SMYD3: variants seen among roughly 807,000 people sequenced by gnomAD.
SMYD3 encodes the protein histone-lysine N-methyltransferase SMYD3.
Under a neutral mutation model 57.7 loss-of-function variants are expected in SMYD3, and 36 were observed. That is an observed-to-expected ratio of 0.62 (90% CI 0.48 to 0.82). The LOEUF is 0.82. SMYD3 is among the 40% of genes least tolerant of loss of function. SMYD3 has a pLI of 0.00. For missense variants in SMYD3, 515 were observed against 538.8 expected, an observed-to-expected ratio of 0.96 and a Z score of 0.44; for synonymous variants, 211 against 195.0, an observed-to-expected ratio of 1.08 and a Z score of -0.68.
chr1:246,476,657 T>G (rs1299052388), intron 1 of SMYD3, among the ~76,000 whole-genome samples: 3 of 152,220 alleles, frequency 2.0e-5, no homozygotes, highest in Non-Finnish European at 4.4e-5. Context: ...GCTTTCAACC[T>G]ATATGAAGAC....
At chr1:246,303,496 C>T (rs1399494881) in intron 5 of SMYD3, among the ~76,000 whole-genome samples, 1 of 152,048 alleles carries the variant, frequency 6.6e-6, no homozygotes, top group African/African-American at 2.4e-5. Context: ...ACTTATAATA[C>T]CTAATATAAT....
At chr1:246,179,492 T>C (rs1000761074) in intron 5 of SMYD3, among the ~76,000 whole-genome samples, 1 of 152,218 alleles carries the variant, frequency 6.6e-6, no homozygotes, top group African/African-American at 2.4e-5. Flanking sequence ...TCTGAAATAA[T>C]GTGCTGAATA....
At chr1:245,844,602 TTTC>T (rs889405466) in intron 10 of SMYD3, among the ~76,000 whole-genome samples, 2 of 4,546 alleles carry the variant, frequency 4.4e-4, no homozygotes, top group African/African-American at 1.1e-3. Context: ...ACTTCCTTGG[TTTC>T]TTTTTTTTTT....
chr1:245,852,388 A>G (rs1159166391), intron 10 of SMYD3, among the ~76,000 whole-genome samples: 2 of 152,254 alleles, frequency 1.3e-5, no homozygotes, highest in African/African-American at 4.8e-5. Flanking sequence ...CCAAACGTAC[A>G]GGTGGCATCT....
At chr1:246,221,485 C>T (rs1225344639) in intron 5 of SMYD3, among the ~76,000 whole-genome samples, 1 of 152,222 alleles carries the variant, frequency 6.6e-6, no homozygotes, top group Non-Finnish European at 1.5e-5. Context: ...AGCTGCAACC[C>T]TTCGGGTAGC....
intron 10 of SMYD3, among the ~76,000 whole-genome samples, chr1:245,838,932 T>C (rs2050243982): frequency 6.6e-6 from 1 of 152,204 alleles, no homozygotes; most frequent in Non-Finnish European, 1.5e-5. Context: ...AGGACATCTA[T>C]TCAGAATGTC....
Position 246,027,826 on chromosome 1 carries a change from T to A in SMYD3, c.532-97889A>T, listed in dbSNP as rs189808887. On this transcript the variant is annotated intron_variant, in intron 5 of 11. Transcript: ENST00000490107. ...TTAAGAAATACATTTTGTAAGGCTA[T>A]AGCTGCCATCAATATTGATTCTTCT... is the stretch of plus-strand genomic sequence containing the variant. 9.8e-5 allele frequency among the ~76,000 whole-genome samples: 15 copies of A among 152,348 alleles called. No homozygotes were observed. The East Asian group carries it at 2.5e-3, about 25-fold the overall frequency.
intron 5 of SMYD3, among the ~76,000 whole-genome samples, chr1:246,042,079 A>T (rs140876133): frequency 2.6e-5 from 4 of 152,190 alleles, no homozygotes; most frequent in Non-Finnish European, 5.9e-5. Context: ...TGGGACCCCA[A>T]GTCCATTTGA....
chr1:246,275,774 GT>G (rs202093096), intron 5 of SMYD3, among the ~76,000 whole-genome samples: 11,633 of 128,746 alleles, frequency 0.09, no homozygotes, highest in East Asian at 0.28. Flanking sequence ...TACTAACTCT[GT>G]TTTTTCACTA....
At chr1:246,342,519 A>C (rs2065648354) in intron 2 of SMYD3, among the ~76,000 whole-genome samples, 1 of 152,218 alleles carries the variant, frequency 6.6e-6, no homozygotes, top group African/African-American at 2.4e-5. Context: ...TGGAAGGCTA[A>C]GCAGGTTGTC....
intron 1 of SMYD3, among the ~76,000 whole-genome samples, chr1:246,498,242 A>C (rs1415301768): frequency 1.3e-5 from 2 of 152,254 alleles, no homozygotes; most frequent in African/African-American, 4.8e-5. Flanking sequence ...TATTCATTAG[A>C]GCAATATGCA....
chr1:245,949,825 A>AACCCCCCCCCC (rs2057559888), intron 5 of SMYD3, among the ~76,000 whole-genome samples: 1 of 93,306 alleles, frequency 1.1e-5, no homozygotes, highest in African/African-American at 6.1e-5. Flanking sequence ...AAAGAAACCC[A>AACCCCCCCCCC]CCCCCCCCAC....
intron 1 of SMYD3, among the ~76,000 whole-genome samples, chr1:246,467,982 G>A (rs1429375890): frequency 6.6e-6 from 1 of 151,884 alleles, no homozygotes; most frequent in Non-Finnish European, 1.5e-5. Context: ...GCAACATGGC[G>A]AAACCCCGTT....
chr1:246,464,892 T>C (rs550525269), intron 1 of SMYD3, among the ~76,000 whole-genome samples: 4 of 152,342 alleles, frequency 2.6e-5, no homozygotes, highest in African/African-American at 7.2e-5. Context: ...GAGGGTTTTG[T>C]CATATAATCT....
At chr1:245,784,683 T>C (rs1180265302) in intron 10 of SMYD3, among the ~76,000 whole-genome samples, 1 of 152,060 alleles carries the variant, frequency 6.6e-6, no homozygotes, top group African/African-American at 2.4e-5. Context: ...AAGAATGACC[T>C]TTCTGGAAAG....
chr1:246,166,107 A>G (rs748768077), intron 5 of SMYD3, among the ~76,000 whole-genome samples: 2 of 152,048 alleles, frequency 1.3e-5, no homozygotes, highest in African/African-American at 2.4e-5. Context: ...TTTTAAAAAA[A>G]AAAGAAGAAG....
intron 5 of SMYD3, among the ~76,000 whole-genome samples, chr1:246,036,702 T>C (rs10924458): frequency 0.45 from 65,398 of 145,430 alleles, 16,922 homozygotes; most frequent in East Asian, 0.95. Context: ...TACAGGCGCC[T>C]GCCACTAAGC....
At chr1:246,002,223 C>T (rs758419281) in intron 5 of SMYD3, among the ~76,000 whole-genome samples, 45 of 150,046 alleles carry the variant, frequency 3.0e-4, no homozygotes, top group East Asian at 2.0e-4. Flanking sequence ...CTCGCTCCGT[C>T]ACCCAGGCTG....
chr1:246,144,177 G>T (rs1267510785), intron 5 of SMYD3, among the ~76,000 whole-genome samples: 1 of 152,152 alleles, frequency 6.6e-6, no homozygotes, highest in Non-Finnish European at 1.5e-5. Context: ...CTAAAGATCG[G>T]GATGCTGCTA....
Sources: gnomAD v4.1 joint callset for allele counts (sites outside exome capture counted in the v4.1 genomes callset) on GRCh38, gnomAD v4.1.1 for gene constraint, MANE v1.5 for transcripts, NCBI Gene and HGNC (gene_info 2026-07-23, HGNC 2026-07-21) for gene names.